Variants in GTF2H3 observed in about 807,000 individuals in gnomAD.
GTF2H3 encodes general transcription factor IIH subunit 3.
A neutral mutation model predicts 51.1 loss-of-function variants in GTF2H3; 42 were observed. That is an observed-to-expected ratio of 0.82 (90% CI 0.64 to 1.06). The LOEUF is 1.06. Among genes scored for constraint, GTF2H3 ranks in the 50% least tolerant of loss-of-function variants. GTF2H3 has a pLI of 0.00. For missense variants in GTF2H3, 326 were observed against 366.1 expected (o/e 0.89, Z 0.89); for synonymous variants, 123 against 123.8 (o/e 0.99, Z 0.04).
At chr12:123,637,653 C>A (rs930624189) in intron 1 of GTF2H3, among the ~76,000 whole-genome samples, 4 of 151,952 alleles carry the variant, frequency 2.6e-5, no homozygotes, top group Admixed American at 6.6e-5. Context: ...CAGGTGTGCA[C>A]CACCATGCCC....
chr12:123,660,957 T>G lies in GTF2H3; in HGVS notation c.*722T>G, dbSNP rs561607910. 1 of 152,112 alleles carries G rather than the reference T, an allele frequency of 6.6e-6. No homozygotes were observed. Among genetic ancestry groups the G allele is most frequent in the Non-Finnish European group, 1.5e-5 (1 of 68,022 alleles). The allele number at this position is 152,112 out of a possible 1,614,324, so 9.4% of individuals were successfully genotyped here. On this transcript the variant is annotated 3_prime_UTR_variant, in exon 13 of 13. Coordinates refer to ENST00000543341, the MANE Select transcript of GTF2H3 (RefSeq NM_001516.5). The stretch of plus-strand genomic sequence containing the variant: ...TTACTGGAGAAAATGGACTCTATGT[T>G]AAGTATGGTTTTCAGATAGAATTCT...
intron 1 of GTF2H3, among the ~76,000 whole-genome samples, chr12:123,634,511 C>CTAGTTACAA (rs1477566875): frequency 1.3e-5 from 2 of 152,140 alleles, no homozygotes; most frequent in Non-Finnish European, 2.9e-5. Context: ...CAGTACGGTC[C>CTAGTTACAA]TAGTTACAAT....
intron 3 of GTF2H3, among the ~76,000 whole-genome samples, chr12:123,646,255 CTTTTT>C (rs34427180): frequency 1.5e-5 from 2 of 135,816 alleles, no homozygotes. Context: ...TCTTCTATGT[CTTTTT>C]TTTTTTTTTT....
intron 9 of GTF2H3, 146 bp from the exon 10 acceptor site, chr12:123,659,370 A>G (rs1955625082): frequency 5.9e-6 from 4 of 681,992 alleles, no homozygotes; most frequent in Non-Finnish European, 1.1e-5. Context: ...CTGTCAAAAT[A>G]TAAAAATAAA....
chr12:123,651,669 A>C (rs955244137), intron 5 of GTF2H3, among the ~76,000 whole-genome samples: 5 of 151,986 alleles, frequency 3.3e-5, no homozygotes, highest in South Asian at 4.1e-4. Flanking sequence ...AATACAAAAA[A>C]ATTAGCTGGG....
chr12:123,655,686 T>C (rs1955577988), intron 8 of GTF2H3, 85 bp from the exon 9 acceptor site: 1 of 795,468 alleles, frequency 1.3e-6, no homozygotes. Flanking sequence ...ATTTTAAGCA[T>C]AGAGTATGGC....
Position 123,648,143 on chromosome 12 carries a change from A to G in GTF2H3, c.364+17A>G, listed in dbSNP as rs1955474835. 1 of 1,548,134 alleles carries G rather than the reference A, an allele frequency of 6.5e-7. No individual in the cohort carries two copies. The highest frequency in any genetic ancestry group is 8.8e-7 in the Non-Finnish European group (1 of 1,130,702). On this transcript the variant is annotated intron_variant, in intron 4 of 12. Transcript: ENST00000543341. ...TGACCAAAAGTAACAACTTTTAAACATTGTTATTTTGCAAATAGTGTTGAT... is the reference window on the plus strand; with the variant it reads ...TGACCAAAAGTAACAACTTTTAAACGTTGTTATTTTGCAAATAGTGTTGAT...
rs371746742 is a variant in GTF2H3, at chr12:123,655,852, G to A, written c.615+28G>A. On this transcript the variant is annotated intron_variant, in intron 9 of 12. Transcript: ENST00000543341. ...ATGTTTTAAAACCATGCTTTGTGTCGGTGGTTATGACAATTAGTGATTTTT... is the reference window on the plus strand; with the variant it reads ...ATGTTTTAAAACCATGCTTTGTGTCAGTGGTTATGACAATTAGTGATTTTT... 6.7e-5 allele frequency: 99 copies of A among 1,482,344 alleles called. 1 individual carries two copies. The Admixed American group carries it at 9.2e-4, about 14-fold the overall frequency. The allele number at this position is 1,482,344 out of a possible 1,614,324, so 91.8% of individuals were successfully genotyped here.
At chr12:123,659,308 A>C in intron 9 of GTF2H3, 1 of 530,252 alleles carries the variant, frequency 1.9e-6, no homozygotes, top group Non-Finnish European at 3.4e-6. Context: ...CAGAGGTTGG[A>C]GTAAGCCGAG....
At chr12:123,645,812 C>G (rs978591730) in intron 3 of GTF2H3, among the ~76,000 whole-genome samples, 6 of 152,112 alleles carry the variant, frequency 3.9e-5, no homozygotes, top group African/African-American at 1.4e-4. Context: ...ATTATTTAGG[C>G]AAAAAGGGAA....
intron 2 of GTF2H3, among the ~76,000 whole-genome samples, chr12:123,645,199 T>C (rs1263261778): frequency 2.0e-5 from 3 of 152,098 alleles, no homozygotes; most frequent in Admixed American, 2.0e-4. Flanking sequence ...GCCTTCAGAG[T>C]AGCTAAGACT....
intron 9 of GTF2H3, among the ~76,000 whole-genome samples, chr12:123,656,281 T>G (rs975644072): frequency 5.3e-5 from 8 of 152,222 alleles, no homozygotes; most frequent in Non-Finnish European, 5.9e-5. Context: ...TTGTACTGTT[T>G]CTTCAGCTTG....
In GTF2H3 at chr12:123,655,741, C is replaced by A. The variant is rs548023429; in HGVS notation, c.562-30C>A. ...TAGGGTAATCATTATTGTTATTATTCCTGTAATATTTTCAAAATGTTTCTT... is the reference window on the plus strand; with the variant it reads ...TAGGGTAATCATTATTGTTATTATTACTGTAATATTTTCAAAATGTTTCTT... On this transcript the variant is annotated intron_variant, in intron 8 of 12. Coordinates refer to ENST00000543341, the MANE Select transcript of GTF2H3 (RefSeq NM_001516.5). The A allele has an allele frequency of 3.6e-5, 47 of 1,300,838 alleles. 2 individuals are homozygous for A. The South Asian group carries it at 5.5e-4, about 15-fold the overall frequency. The allele number at this position is 1,300,838 out of a possible 1,614,324, so 80.6% of individuals were successfully genotyped here.
At chr12:123,647,396 CGGGAG>C (rs1955462907) in intron 3 of GTF2H3, among the ~76,000 whole-genome samples, 1 of 151,454 alleles carries the variant, frequency 6.6e-6, no homozygotes, top group Non-Finnish European at 1.5e-5. Context: ...CACTTGAGCC[CGGGAG>C]GTGGAAGTTG....
chr12:123,654,476 A>ATGTGTATTTGGGGTG (rs973079994), intron 7 of GTF2H3, among the ~76,000 whole-genome samples: 1 of 136,912 alleles, frequency 7.3e-6, no homozygotes, highest in Non-Finnish European at 1.6e-5. Context: ...TTTTGGGTGT[A>ATGTGTATTTGGGGTG]TGTGTATTTG....
At chr12:123,655,347 T>G (rs544030842) in intron 8 of GTF2H3, among the ~76,000 whole-genome samples, 1 of 152,198 alleles carries the variant, frequency 6.6e-6, no homozygotes, top group Non-Finnish European at 1.5e-5. Flanking sequence ...GGCGAAGCTG[T>G]AAAAATTCAG....
chr12:123,635,115 T>G (rs1955259419), intron 1 of GTF2H3, among the ~76,000 whole-genome samples: 1 of 152,172 alleles, frequency 6.6e-6, no homozygotes, highest in Non-Finnish European at 1.5e-5. Context: ...GGTAGCGAAC[T>G]AAAGAAGGAA....
At chr12:123,643,641 T>C (rs1412684738) in intron 2 of GTF2H3, among the ~76,000 whole-genome samples, 1 of 152,214 alleles carries the variant, frequency 6.6e-6, no homozygotes, top group East Asian at 1.9e-4. Context: ...TCATAGTGTG[T>C]GGTTTTTTTT....
At chr12:123,649,011 C>G (rs2135789941) in intron 4 of GTF2H3, 1 of 151,810 alleles carries the variant, frequency 6.6e-6, no homozygotes, top group Admixed American at 6.6e-5. Flanking sequence ...GTTGCCCAGG[C>G]TGGAGTGCAA....
Sources: gnomAD v4.1 joint callset for allele counts (sites outside exome capture counted in the v4.1 genomes callset) on GRCh38, gnomAD v4.1.1 for gene constraint, MANE v1.5 for transcripts, NCBI Gene and HGNC (gene_info 2026-07-23, HGNC 2026-07-21) for gene names.